Variants in CELSR1 observed in about 807,000 individuals in gnomAD.
The protein encoded by CELSR1 is adhesion G protein-coupled receptor C1.
In CELSR1, 110 loss-of-function variants were observed where a neutral mutation model predicts 249.1. The observed-to-expected ratio is 0.44, with a 90% CI of 0.38 to 0.52. The LOEUF (loss-of-function observed/expected upper bound fraction) is 0.52. Ranked by LOEUF, CELSR1 falls within the 20% of genes least tolerant of loss-of-function variation. The probability of loss-of-function intolerance (pLI) is 0.00; values close to 1 mark genes in which losing one functional copy is unlikely to be tolerated. For missense variants in CELSR1, 4,109 were observed against 4,296.4 expected (o/e 0.96, Z 1.22); for synonymous variants, 2,113 against 1,900.0 (o/e 1.11, Z -2.92).
Position 46,369,997 on chromosome 22 carries a change from G to A in CELSR1, c.7760-193C>T, listed in dbSNP as rs1207009407. On this transcript the variant is annotated intron_variant, in intron 25 of 34. Transcript: ENST00000674500. ...CTCCGTGTAGGGTCTCAGGCTCACT[G>A]GCCCAGGTGGCAGGAGCTGCTCCTG... 3 of 660,840 alleles carry A rather than the reference G, an allele frequency of 4.5e-6. No homozygotes were observed. In the Admixed American group the frequency reaches 6.2e-5, roughly 14 times the overall value. 40.9% of individuals were successfully genotyped at this position (660,840 alleles called of 1,614,324 possible).
In CELSR1 at chr22:46,406,886, A is replaced by AG. The variant is rs5845749; in HGVS notation, c.5226+2109dup. Among the ~76,000 whole-genome samples the AG allele has an allele frequency of 1, 152,330 of 152,330 alleles. 76,165 individuals are homozygous for AG. The highest frequency in any genetic ancestry group is 1 in the Non-Finnish European group (68,036 of 68,036). On this transcript the variant is annotated intron_variant, in intron 9 of 34. Coordinates refer to ENST00000674500, the MANE Select transcript of CELSR1 (RefSeq NM_001378328.1). This position sits in a 1 kb window ranked among gnomAD's most constrained non-coding sequence, Gnocchi z 5.4. ...CCAGGACACACTCGGCAGCAAAAGA[A>AG]GCCCAGAGCCCAACGGAGCAAAGGC...
At position 46,537,341 on chromosome 22, in the gene CELSR1, G is replaced by T. The variant is rs2080870177; in HGVS notation, c.-171C>A. Among the ~76,000 whole-genome samples, 1 of 148,798 alleles carries T rather than the reference G, an allele frequency of 6.7e-6. No individual in the cohort carries two copies. The highest frequency in any genetic ancestry group is 2.4e-5 in the African/African-American group (1 of 41,122). ...CGGGGACTGTGGGGACCACGCGCCC[G>T]GCCTCCCCCGCAGCTTCCACTTCGA... On this transcript the variant is annotated 5_prime_UTR_variant, in exon 1 of 35. Coordinates refer to ENST00000674500, the MANE Select transcript of CELSR1 (RefSeq NM_001378328.1). The surrounding 1 kb of genome is among the most constrained non-coding windows in gnomAD (Gnocchi z 5.8).
chr22:46,532,741 G>T (rs1029562197), intron 1 of CELSR1, among the ~76,000 whole-genome samples: 3 of 152,146 alleles, frequency 2.0e-5, no homozygotes, highest in Admixed American at 1.3e-4. Context: ...AGCCACTGGG[G>T]GACCTTTACT....
chr22:46,533,378 T>C (rs1033225977), intron 1 of CELSR1, among the ~76,000 whole-genome samples: 2 of 152,236 alleles, frequency 1.3e-5, no homozygotes, highest in Non-Finnish European at 2.9e-5. Flanking sequence ...TCCCCGGTCT[T>C]GAACTTGGGA....
At position 46,386,476 on chromosome 22, in the gene CELSR1, C is replaced by A. The variant is rs375245692; in HGVS notation, c.6665G>T (p.Gly2222Val). The change falls in exon 19 of 35, where the codon GGC (glycine) becomes GTC (valine). Residue 2222 changes from glycine to valine, a missense_variant. This residue lies in a region of CELSR1 where 1,805 missense variants were observed against 1,831.6 expected (regional missense o/e 0.99). Coordinates refer to ENST00000674500, the MANE Select transcript of CELSR1 (RefSeq NM_001378328.1). ...GTAQLLRRLE[G>V]YFSNVARNVR... Reference sequence around the variant, plus strand: ...GTTGCGTGCCACGTTGCTGAAGTAGCCCTCGAGGCGCCGGAGCAGCTGTGC... The same window carrying A: ...GTTGCGTGCCACGTTGCTGAAGTAGACCTCGAGGCGCCGGAGCAGCTGTGC... The A allele has an allele frequency of 6.2e-7, 1 of 1,602,516 alleles. No individual in the cohort carries two copies. The highest frequency in any genetic ancestry group is 1.7e-5 in the Admixed American group (1 of 58,796).
At position 46,374,882 on chromosome 22, in the gene CELSR1, C is replaced by T. The variant is rs989583632; in HGVS notation, c.7585-1825G>A. Among the ~76,000 whole-genome samples the T allele has an allele frequency of 1.6e-4, 24 of 152,204 alleles. No homozygotes were observed. The highest frequency in any genetic ancestry group is 5.8e-4 in the African/African-American group (24 of 41,450). On this transcript the variant is annotated intron_variant, in intron 24 of 34. Coordinates refer to ENST00000674500, the MANE Select transcript of CELSR1 (RefSeq NM_001378328.1). The surrounding 1 kb of genome is among the most constrained non-coding windows in gnomAD (Gnocchi z 4.3). ...TGCCATATGGGCCCCGCACACGGAGCCCCCGCCAGCCCGGGGCCTCGGCCT... is the reference window on the plus strand; with the variant it reads ...TGCCATATGGGCCCCGCACACGGAGTCCCCGCCAGCCCGGGGCCTCGGCCT...
At position 46,443,983 on chromosome 22, in the gene CELSR1, T is replaced by C. The variant is rs1169889380; in HGVS notation, c.4184-4572A>G. On this transcript the variant is annotated intron_variant, in intron 2 of 34. Coordinates refer to ENST00000674500, the MANE Select transcript of CELSR1 (RefSeq NM_001378328.1). The stretch of plus-strand genomic sequence containing the variant: ...CAAAGCCACCGGGAGAGGCTGGGTG[T>C]ACTCACCCAACCTCGACGGCAAACA... Among the ~76,000 whole-genome samples the C allele has an allele frequency of 2.6e-5, 4 of 152,268 alleles. No homozygotes were observed. The East Asian group carries it at 7.7e-4, about 29-fold the overall frequency.
At chr22:46,529,239 C>A (rs1384442410) in intron 1 of CELSR1, among the ~76,000 whole-genome samples, 1 of 151,414 alleles carries the variant, frequency 6.6e-6, no homozygotes, top group Non-Finnish European at 1.5e-5. Flanking sequence ...GCACTCCAGC[C>A]TGGGCAGCAG....
At chr22:46,522,636 C>G (rs779291425) in intron 1 of CELSR1, among the ~76,000 whole-genome samples, 2 of 152,186 alleles carry the variant, frequency 1.3e-5, no homozygotes, top group African/African-American at 2.4e-5. Flanking sequence ...AAATGGGATA[C>G]TTTCTCAGAG....
chr22:46,374,699 C>T lies in CELSR1; in HGVS notation c.7585-1642G>A, dbSNP rs2078898376. Among the ~76,000 whole-genome samples the T allele has an allele frequency of 6.6e-6, 1 of 152,212 alleles. No individual in the cohort carries two copies. Among genetic ancestry groups the T allele is most frequent in the Admixed American group, 6.5e-5 (1 of 15,282 alleles). The stretch of plus-strand genomic sequence containing the variant: ...TGGCCTGCACCGACTCCCCTCTCCC[C>T]CATTCACGCCACTCAAAAGCACACT... On this transcript the variant is annotated intron_variant, in intron 24 of 34. Coordinates refer to ENST00000674500, the MANE Select transcript of CELSR1 (RefSeq NM_001378328.1). The surrounding 1 kb of genome is among the most constrained non-coding windows in gnomAD (Gnocchi z 4.3).
intron 27 of CELSR1, among the ~76,000 whole-genome samples, chr22:46,368,411 G>A (rs1204205549): frequency 1.3e-5 from 2 of 151,572 alleles, no homozygotes; most frequent in African/African-American, 4.9e-5. Flanking sequence ...GACCCCCCGT[G>A]CACCCCCATA....
chr22:46,536,831 A>G lies in CELSR1; in HGVS notation c.340T>C (p.Cys114Arg). The change falls in exon 1 of 35, where the codon TGC (cysteine) becomes CGC (arginine). Residue 114 changes from cysteine (C) to arginine (R), a missense_variant. Physicochemically the swap from Cys to Arg is radical, Grantham distance 180. Coordinates refer to ENST00000674500, the MANE Select transcript of CELSR1 (RefSeq NM_001378328.1). ...CCGCAGAGCCGGGCACGGGCTCCGC[A>G]GCCGGGAAGGTGCGTGCGCGCCCGC... ...RLRARTHLPG[C>R]GARARLCGTG... 1 of 1,214,106 alleles carries G rather than the reference A, an allele frequency of 8.2e-7. No homozygotes were observed. 75.2% of individuals were successfully genotyped at this position (1,214,106 alleles called of 1,614,324 possible).
chr22:46,384,235 C>T (rs1309721186), intron 20 of CELSR1, among the ~76,000 whole-genome samples: 2 of 152,226 alleles, frequency 1.3e-5, no homozygotes, highest in Non-Finnish European at 2.9e-5. Flanking sequence ...CGCGCCTGGC[C>T]TGGATTTTGA....
intron 1 of CELSR1, among the ~76,000 whole-genome samples, chr22:46,533,045 T>C (rs958715201): frequency 6.6e-5 from 10 of 152,166 alleles, no homozygotes; most frequent in African/African-American, 2.4e-4. Flanking sequence ...CAAGATCAAA[T>C]GAGGCTATGC....
chr22:46,425,325 T>C (rs2079524593), intron 5 of CELSR1, among the ~76,000 whole-genome samples: 1 of 152,242 alleles, frequency 6.6e-6, no homozygotes, highest in Non-Finnish European at 1.5e-5. Context: ...AACTGGGAAG[T>C]GCTCTCTATT....
In CELSR1 at chr22:46,496,367, A is replaced by T. The variant is rs376410774; in HGVS notation, c.3545-32022T>A. ...TGGATCACCTGAGGTCAGGAGTTCG[A>T]GTCCAGCCTGGCCAACATGGTGAAA... On this transcript the variant is annotated intron_variant, in intron 1 of 34. Transcript: ENST00000674500. 2.4e-4 allele frequency among the ~76,000 whole-genome samples: 37 copies of T among 152,248 alleles called. No individual in the cohort carries two copies. The East Asian group carries it at 6.6e-3, about 27-fold the overall frequency.
At position 46,364,580 on chromosome 22, in the gene CELSR1, T is replaced by C; in HGVS notation, c.8711A>G (p.Tyr2904Cys). ...GCCCCCGCTCTCCTGGTCCGGGGGGTACTCTCCACGGTGACTGCCCTGCTC... is the reference window on the plus strand; with the variant it reads ...GCCCCCGCTCTCCTGGTCCGGGGGGCACTCTCCACGGTGACTGCCCTGCTC... ...REEQGSHRGEYPPDQESGGAA... is the reference protein window; with the variant it reads ...REEQGSHRGECPPDQESGGAA... The change falls in exon 33 of 35, where the codon TAC becomes TGC. Residue 2904 changes from tyrosine (Y) to cysteine (C), a missense_variant. By Grantham distance (194) the Tyr-to-Cys change is radical. Coordinates refer to ENST00000674500, the MANE Select transcript of CELSR1 (RefSeq NM_001378328.1). 6.2e-7 allele frequency: 1 copy of C among 1,612,378 alleles called. No individual in the cohort carries two copies. The highest frequency in any genetic ancestry group is 2.2e-5 in the East Asian group (1 of 44,856).
rs192169257 is a variant in CELSR1, at chr22:46,410,246, G to C, written c.4933+152C>G. 85 of 981,436 alleles carry C rather than the reference G, an allele frequency of 8.7e-5. 1 individual carries two copies. In the East Asian group the frequency reaches 1.9e-3, roughly 22 times the overall value. 60.8% of individuals were successfully genotyped at this position (981,436 alleles called of 1,614,324 possible). On this transcript the variant is annotated intron_variant, in intron 7 of 34. Transcript: ENST00000674500. This position sits in a 1 kb window ranked among gnomAD's most constrained non-coding sequence, Gnocchi z 6.8. ...TGCACATCTCCAGCCTGGACTCCGG[G>C]TTCCATCCCAGGAGCTGCCCACCGC...
chr22:46,404,021 T>A (rs944023868), intron 9 of CELSR1, among the ~76,000 whole-genome samples: 21 of 148,256 alleles, frequency 1.4e-4, no homozygotes, highest in Non-Finnish European at 3.0e-4. Flanking sequence ...TGACTAGATC[T>A]GGGCTGTAAA....
Sources: gnomAD v4.1 joint callset for allele counts (sites outside exome capture counted in the v4.1 genomes callset) on GRCh38, gnomAD v4.1.1 for gene constraint, gnomAD v4.1.1 regional missense constraint, Gnocchi (gnomAD v3.1) non-coding constraint, MANE v1.5 for transcripts, NCBI Gene and HGNC (gene_info 2026-07-23, HGNC 2026-07-21) for gene names.